KIF21B: variants seen among roughly 807,000 people sequenced by gnomAD.
The protein encoded by KIF21B is kinesin family member 21B, also known as kinesin-like protein KIF21B.
A neutral mutation model predicts 192.9 loss-of-function variants in KIF21B; 85 were observed. That is an observed-to-expected ratio of 0.44 (90% CI 0.37 to 0.53). The LOEUF (loss-of-function observed/expected upper bound fraction) is 0.53. KIF21B is among the 20% of genes least tolerant of loss of function. The pLI is 0.00. For missense variants in KIF21B, 1,716 were observed against 2,194.8 expected (o/e 0.78, Z 4.36); for synonymous variants, 832 against 884.6 (o/e 0.94, Z 1.05).
chr1:200,990,729 A>T lies in KIF21B; in HGVS notation c.2688-6T>A. 6.2e-7 allele frequency: 1 copy of T among 1,613,958 alleles called. No homozygotes were observed. The highest frequency in any genetic ancestry group is 8.5e-7 in the Non-Finnish European group (1 of 1,179,944). On this transcript the variant is annotated splice_region_variant and splice_polypyrimidine_tract_variant and intron_variant, in intron 18 of 34. Coordinates refer to ENST00000461742, the MANE Select transcript of KIF21B (RefSeq NM_001252102.2). The surrounding 1 kb of genome is among the most constrained non-coding windows in gnomAD (Gnocchi z 5.4). ...CCTTCTTCTGGAACTTCTTTCTGGG[A>T]GACATAGGCAAAGGGGATTGGATGG...
Position 200,975,549 on chromosome 1 carries a change from G to T in KIF21B, c.4564C>A (p.Arg1522=), listed in dbSNP as rs769986420. 1.2e-6 allele frequency: 2 copies of T among 1,613,842 alleles called. No individual in the cohort carries two copies. Among genetic ancestry groups the T allele is most frequent in the Middle Eastern group, 1.7e-4 (1 of 6,058 alleles). The stretch of plus-strand genomic sequence containing the variant: ...TCCCACTTCTTGATGCCGTTATCTC[G>T]GGAGCCACTGAACAGGATGTCTCCC... ...IQGDILFSGS[R]DNGIKKWDLD... The change falls in exon 33 of 35, where the codon CGA becomes AGA. Residue 1522 remains arginine (R), a synonymous_variant. Coordinates refer to ENST00000461742, the MANE Select transcript of KIF21B (RefSeq NM_001252102.2). The surrounding 1 kb of genome is among the most constrained non-coding windows in gnomAD (Gnocchi z 4.3).
At chr1:201,021,204 G>T (rs747369492) in intron 1 of KIF21B, among the ~76,000 whole-genome samples, 6 of 152,206 alleles carry the variant, frequency 3.9e-5, no homozygotes, top group Non-Finnish European at 7.4e-5. Context: ...CTCCTTCCCA[G>T]CCCAGCCCAG....
At chr1:201,020,929 G>A (rs114695369) in intron 1 of KIF21B, among the ~76,000 whole-genome samples, 46 of 152,164 alleles carry the variant, frequency 3.0e-4, no homozygotes, top group Non-Finnish European at 6.5e-4. Flanking sequence ...TGGAAATTCA[G>A]AAGGCACTTC....
At position 200,971,382 on chromosome 1, in the gene KIF21B, C is replaced by A. The variant is rs886358384; in HGVS notation, c.*2139G>T. On this transcript the variant is annotated 3_prime_UTR_variant, in exon 35 of 35. Coordinates refer to ENST00000461742, the MANE Select transcript of KIF21B (RefSeq NM_001252102.2). ...CTCGCAGGGCCATAAGATCACACTT[C>A]GTGCAAGAACACGCCTTGCAGCTAC... 6.5e-5 allele frequency: 10 copies of A among 152,700 alleles called. No individual in the cohort carries two copies. The highest frequency in any genetic ancestry group is 2.4e-4 in the African/African-American group (10 of 41,470). The allele number at this position is 152,700 out of a possible 1,614,324, so 9.5% of individuals were successfully genotyped here. A position where few individuals can be genotyped will look rare whatever the true frequency, so the allele number is the denominator to read the frequency against.
chr1:200,977,574 A>G (rs193226871), intron 30 of KIF21B, among the ~76,000 whole-genome samples, 198 bp from the exon 31 acceptor site: 106 of 152,110 alleles, frequency 7.0e-4, no homozygotes, highest in African/African-American at 2.4e-3. Context: ...CTATGAGTCA[A>G]CTCCCCATGT....
Position 200,988,946 on chromosome 1 carries a change from C to A in KIF21B, c.3133-15G>T, listed in dbSNP as rs1181925401. The stretch of plus-strand genomic sequence containing the variant: ...ACTTGCAGCCCCTGGGGGCAGGGAA[C>A]AAAGCCTGGAGTTACCCCTCCTGGG... On this transcript the variant is annotated splice_polypyrimidine_tract_variant and intron_variant, in intron 21 of 34. Coordinates refer to ENST00000461742, the MANE Select transcript of KIF21B (RefSeq NM_001252102.2). 3 of 1,602,156 alleles carry A rather than the reference C, an allele frequency of 1.9e-6. No homozygotes were observed. Among genetic ancestry groups the A allele is most frequent in the Non-Finnish European group, 2.6e-6 (3 of 1,174,204 alleles).
Position 200,973,533 on chromosome 1 carries a change from G to A in KIF21B, c.4860C>T (p.Ser1620=), listed in dbSNP as rs778500450. The stretch of plus-strand genomic sequence containing the variant: ...TCTGACCTCACTCCTAGGGTGGGCC[G>A]CTGTGGGGTAACCGCCGGACACTCC... ...KFWSVRRLPH[S]GPP The change falls in exon 35 of 35, where the codon AGC becomes AGT. Residue 1620 remains serine, a synonymous_variant. Coordinates refer to ENST00000461742, the MANE Select transcript of KIF21B (RefSeq NM_001252102.2). The A allele has an allele frequency of 1.1e-5, 17 of 1,484,586 alleles. 1 individual carries two copies. Among genetic ancestry groups the A allele is most frequent in the East Asian group, 5.3e-5 (2 of 37,744 alleles). 92.0% of individuals were successfully genotyped at this position (1,484,586 alleles called of 1,614,324 possible). A position where few individuals can be genotyped will look rare whatever the true frequency, so the allele number is the denominator to read the frequency against.
rs113577017 is a variant in KIF21B at position 200,984,584 on chromosome 1, G to A, written c.3803+275C>T. ...GAGCCCTCAGGCACCGGCCCCATGCGACCAGCCCACCTGACTGCCCGGCCC... is the reference window on the plus strand; with the variant it reads ...GAGCCCTCAGGCACCGGCCCCATGCAACCAGCCCACCTGACTGCCCGGCCC... On this transcript the variant is annotated intron_variant, in intron 27 of 34. Transcript: ENST00000461742. Among the ~76,000 whole-genome samples, 579 of 152,286 alleles carry A rather than the reference G, an allele frequency of 3.8e-3. 4 individuals are homozygous for A. The highest frequency in any genetic ancestry group is 0.013 in the African/African-American group (521 of 41,542).
chr1:201,016,080 C>T (rs1237657950), intron 1 of KIF21B, among the ~76,000 whole-genome samples: 1 of 152,184 alleles, frequency 6.6e-6, no homozygotes, highest in Non-Finnish European at 1.5e-5. Context: ...GGGATATGTG[C>T]CCCATGTTAC....
chr1:201,002,054 A>G, intron 9 of KIF21B, 107 bp downstream of exon 9: 2 of 959,330 alleles, frequency 2.1e-6, no homozygotes, highest in South Asian at 1.5e-5. Flanking sequence ...GAGTTGAACT[A>G]TGAATTGACT....
chr1:201,004,304 C>T (rs1330607259), intron 7 of KIF21B, 36 bp downstream of exon 7: 3 of 1,507,664 alleles, frequency 2.0e-6, no homozygotes, highest in South Asian at 1.2e-5. Flanking sequence ...CTCCCTGCCT[C>T]CCCTGTCCCT....
intron 3 of KIF21B, among the ~76,000 whole-genome samples, chr1:201,007,299 T>C (rs1263699105): frequency 7.0e-4 from 21 of 29,920 alleles, no homozygotes; most frequent in Admixed American, 2.3e-3. Flanking sequence ...GACACAGAGA[T>C]ACACAGACAC....
intron 1 of KIF21B, among the ~76,000 whole-genome samples, chr1:201,020,725 T>C (rs913177827): frequency 1.3e-5 from 2 of 151,938 alleles, no homozygotes; most frequent in African/African-American, 2.4e-5. Flanking sequence ...CTTCGATCTC[T>C]TCATCCCAAA....
At chr1:200,992,485 G>A (rs1421873169) in intron 15 of KIF21B, 96 bp from the exon 16 acceptor site, 6 of 1,276,324 alleles carry the variant, frequency 4.7e-6, no homozygotes, top group Non-Finnish European at 6.7e-6. Flanking sequence ...ATGGGGCAGG[G>A]ATAGTGGCTA....
Position 201,000,405 on chromosome 1 carries a change from C to T in KIF21B, c.1670G>A (p.Arg557Lys). The T allele has an allele frequency of 1.9e-6, 3 of 1,557,990 alleles. No individual in the cohort carries two copies. The highest frequency in any genetic ancestry group is 2.6e-6 in the Non-Finnish European group (3 of 1,158,466). ...CTCCACTCACCTCTTCCTCCGCTGC[C>T]TGACCTCCTTCTTCTTTAGCCGCTC... Reference protein sequence around the residue: ...DLERLKKKEVRQRRKSPEKEA... With the variant: ...DLERLKKKEVKQRRKSPEKEA... Residue 557 changes from arginine (R) to lysine (K), a missense_variant, in exon 11 of 35, where the codon AGG becomes AAG. Arg to Lys is a conservative substitution (Grantham distance 26). Around this residue, in one of 3 missense-constraint regions of KIF21B, gnomAD observed 1,087 missense variants for 1,316.6 expected, o/e 0.83. Coordinates refer to ENST00000461742, the MANE Select transcript of KIF21B (RefSeq NM_001252102.2). This position sits in a 1 kb window ranked among gnomAD's most constrained non-coding sequence, Gnocchi z 6.0.
Position 201,000,196 on chromosome 1 carries a change from G to A in KIF21B, c.1685+194C>T, listed in dbSNP as rs760523121. On this transcript the variant is annotated intron_variant, in intron 11 of 34. Coordinates refer to ENST00000461742, the MANE Select transcript of KIF21B (RefSeq NM_001252102.2). This position sits in a 1 kb window ranked among gnomAD's most constrained non-coding sequence, Gnocchi z 6.0. The stretch of plus-strand genomic sequence containing the variant: ...GAAAGCAGATGGCATAGGAGAACGT[G>A]GGGGAGGGAGGTTGCCCAAAAGGCT... Among the ~76,000 whole-genome samples, 1 of 152,154 alleles carries A rather than the reference G, an allele frequency of 6.6e-6. No homozygotes were observed. The highest frequency in any genetic ancestry group is 2.4e-5 in the African/African-American group (1 of 41,444).
chr1:200,976,439 A>C (rs1655553064), intron 32 of KIF21B, among the ~76,000 whole-genome samples: 1 of 152,238 alleles, frequency 6.6e-6, no homozygotes, highest in Admixed American at 6.5e-5. Context: ...TCAATGGCAT[A>C]ATCAGAGAGC....
intron 30 of KIF21B, among the ~76,000 whole-genome samples, chr1:200,979,325 C>T (rs1054275334): frequency 2.6e-4 from 39 of 152,308 alleles, no homozygotes; most frequent in African/African-American, 9.4e-4. Flanking sequence ...GCCAAAAATT[C>T]CTCTAGTGGT....
rs781209397 is a variant in KIF21B at position 200,988,718 on chromosome 1, C to T, written c.3298+48G>A. 11 of 1,573,598 alleles carry T rather than the reference C, an allele frequency of 7.0e-6. No homozygotes were observed. The East Asian group carries it at 2.3e-4, about 32-fold the overall frequency. The stretch of plus-strand genomic sequence containing the variant: ...CCTTGTGGGGGTCTGAGCCCAAGAG[C>T]ACTGGAATGCCAAGGAGCTGGCAGC... On this transcript the variant is annotated intron_variant, in intron 22 of 34. Transcript: ENST00000461742.
Sources: allele counts gnomAD v4.1 joint callset (sites outside exome capture counted in the v4.1 genomes callset), GRCh38; gene constraint gnomAD v4.1.1; regional missense constraint gnomAD v4.1.1; non-coding constraint Gnocchi (gnomAD v3.1); transcripts MANE v1.5; gene names NCBI Gene and HGNC (gene_info 2026-07-23, HGNC 2026-07-21).